Variants in IST1 observed in about 807,000 individuals in gnomAD.
IST1 encodes IST1 homolog.
In IST1, 23 loss-of-function variants were observed where a neutral mutation model predicts 37.0. That is an observed-to-expected ratio of 0.62 (90% confidence interval 0.45 to 0.88). The LOEUF is 0.88. Among genes scored for constraint, IST1 ranks in the 40% least tolerant of loss-of-function variants. The probability of loss-of-function intolerance (pLI) is 0.00; values close to 1 mark genes in which losing one functional copy is unlikely to be tolerated. For synonymous variants in IST1, 180 were observed against 161.7 expected, an observed-to-expected ratio of 1.11 and a Z score of -0.86; for missense variants, 488 against 445.4, an observed-to-expected ratio of 1.10 and a Z score of -0.86.
intron 4 of IST1, among the ~76,000 whole-genome samples, chr16:71,919,531 T>C (rs887603893): frequency 2.6e-5 from 4 of 152,136 alleles, no homozygotes; most frequent in Non-Finnish European, 5.9e-5. Context: ...AGACAAGAGG[T>C]GCGTGCCACC....
chr16:71,914,450 G>A (rs2037426942), intron 1 of IST1, among the ~76,000 whole-genome samples: 1 of 152,040 alleles, frequency 6.6e-6, no homozygotes, highest in African/African-American at 2.4e-5. Flanking sequence ...GTGAGCCGCC[G>A]CACCCAGCAA....
intron 9 of IST1, among the ~76,000 whole-genome samples, chr16:71,926,756 C>G (rs1244549552): frequency 6.6e-6 from 1 of 152,172 alleles, no homozygotes; most frequent in Non-Finnish European, 1.5e-5. Context: ...GCCCTTCCCT[C>G]CAGAGTCAGA....
intron 4 of IST1, among the ~76,000 whole-genome samples, chr16:71,919,243 C>T (rs1021091235): frequency 2.0e-5 from 3 of 152,224 alleles, no homozygotes; most frequent in Admixed American, 2.0e-4. Flanking sequence ...TTTCTTACCA[C>T]ACTCCTTGGC....
chr16:71,897,449 T>G (rs2036999505), intron 1 of IST1, among the ~76,000 whole-genome samples: 1 of 152,224 alleles, frequency 6.6e-6, no homozygotes, highest in South Asian at 2.1e-4. Flanking sequence ...AATCTCCATC[T>G]CTAGTTTGTT....
At chr16:71,918,679 G>C (rs1257585829) in intron 4 of IST1, among the ~76,000 whole-genome samples, 1 of 152,166 alleles carries the variant, frequency 6.6e-6, no homozygotes, top group Admixed American at 6.5e-5. Flanking sequence ...GCCTCCCAAA[G>C]TGTTGGGATT....
intron 1 of IST1, among the ~76,000 whole-genome samples, chr16:71,900,573 T>A (rs1174531006): frequency 6.6e-6 from 1 of 152,112 alleles, no homozygotes; most frequent in Admixed American, 6.6e-5. Context: ...ATGGGTTTGC[T>A]ATGCCAGTGT....
chr16:71,899,066 C>A (rs1177781210), intron 1 of IST1, among the ~76,000 whole-genome samples: 1 of 151,682 alleles, frequency 6.6e-6, no homozygotes, highest in Non-Finnish European at 1.5e-5. Flanking sequence ...AAGATACTTT[C>A]TTTATGCCTG....
intron 8 of IST1, chr16:71,924,178 T>C: frequency 2.2e-6 from 1 of 456,018 alleles, no homozygotes; most frequent in South Asian, 1.5e-5. Context: ...AGGAATGAGG[T>C]CGAAAATCTT....
At chr16:71,906,465 G>A (rs566400941) in intron 1 of IST1, among the ~76,000 whole-genome samples, 75 of 151,408 alleles carry the variant, frequency 5.0e-4, no homozygotes, top group African/African-American at 1.7e-3. Context: ...CCGCCACCAC[G>A]CCCAGCTAAT....
At chr16:71,920,895 G>C (rs1257089527) in intron 5 of IST1, 73 bp downstream of exon 5, 2 of 1,037,572 alleles carry the variant, frequency 1.9e-6, no homozygotes, top group Non-Finnish European at 3.1e-6. Flanking sequence ...GGCAATTCTA[G>C]TGGGTACCAC....
At chr16:71,897,324 G>T (rs141093127) in intron 1 of IST1, among the ~76,000 whole-genome samples, 1 of 152,074 alleles carries the variant, frequency 6.6e-6, no homozygotes, top group Admixed American at 6.6e-5. Context: ...ACGTTTTAAA[G>T]TCATCCAGTT....
rs925865664 is a variant in IST1, at chr16:71,929,761, T to C, written c.*1948T>C. Reference sequence around the variant, plus strand: ...GAGTAAAAAAAGTACCAAAGATTTTTAAAAAATTAGTAAATGTAAAGATAC... The same window carrying C: ...GAGTAAAAAAAGTACCAAAGATTTTCAAAAAATTAGTAAATGTAAAGATAC... On this transcript the variant is annotated 3_prime_UTR_variant, in exon 10 of 10. Transcript: ENST00000378799. 7.8e-7 allele frequency: 1 copy of C among 1,289,064 alleles called. No individual in the cohort carries two copies. The highest frequency in any genetic ancestry group is 1.5e-5 in the African/African-American group (1 of 66,036). 79.9% of individuals were successfully genotyped at this position (1,289,064 alleles called of 1,614,324 possible).
chr16:71,910,178 C>T (rs1427711834), intron 1 of IST1, among the ~76,000 whole-genome samples: 3 of 152,154 alleles, frequency 2.0e-5, no homozygotes, highest in Non-Finnish European at 2.9e-5. Context: ...GTGTGTCATT[C>T]TGAGTAGTTT....
At chr16:71,922,236 CCAT>C (rs1228039837) in intron 6 of IST1, among the ~76,000 whole-genome samples, 1 of 152,182 alleles carries the variant, frequency 6.6e-6, no homozygotes, top group Non-Finnish European at 1.5e-5. Flanking sequence ...GTTGGAAACA[CCAT>C]CAGGTCCATT....
upstream of IST1, chr16:71,894,972 G>T: frequency 1.3e-6 from 1 of 761,286 alleles, no homozygotes; most frequent in Non-Finnish European, 2.1e-6. Context: ...AGCGATGCTG[G>T]TCCAAAGGGC....
intron 1 of IST1, among the ~76,000 whole-genome samples, chr16:71,901,808 T>G (rs2037114898): frequency 6.6e-6 from 1 of 152,250 alleles, no homozygotes; most frequent in South Asian, 2.1e-4. Context: ...ATTAACATAA[T>G]ACATGAGCGA....
intron 1 of IST1, chr16:71,903,583 T>G (rs2037156402): frequency 6.6e-6 from 1 of 152,230 alleles, no homozygotes; most frequent in South Asian, 2.1e-4. Context: ...CTTTAAAAAT[T>G]TAATAGAGAC....
intron 1 of IST1, among the ~76,000 whole-genome samples, chr16:71,905,066 C>T (rs889963510): frequency 1.3e-5 from 2 of 151,418 alleles, no homozygotes; most frequent in Non-Finnish European, 2.9e-5. Flanking sequence ...GATGGAGTCT[C>T]ACTGTGTCAC....
rs373038572 is a variant in IST1, at chr16:71,917,038, C to T, written c.270-9C>T. ...AAAGAATGTTATATTAATTTTTTTCCTTGATTAGGGAACTAGATTCTGGTC... is the reference window on the plus strand; with the variant it reads ...AAAGAATGTTATATTAATTTTTTTCTTTGATTAGGGAACTAGATTCTGGTC... On this transcript the variant is annotated splice_polypyrimidine_tract_variant and intron_variant, in intron 3 of 9. Coordinates refer to ENST00000378799, the MANE Select transcript of IST1 (RefSeq NM_001270975.2). The T allele has an allele frequency of 1.3e-6, 2 of 1,576,662 alleles. No individual in the cohort carries two copies. Among genetic ancestry groups the T allele is most frequent in the African/African-American group, 1.4e-5 (1 of 73,384 alleles).
Sources: allele counts gnomAD v4.1 joint callset (sites outside exome capture counted in the v4.1 genomes callset), GRCh38; gene constraint gnomAD v4.1.1; transcripts MANE v1.5; gene names NCBI Gene and HGNC (gene_info 2026-07-23, HGNC 2026-07-21).